ACSS2: variants seen among roughly 807,000 people sequenced by gnomAD.
ACSS2 encodes the protein acetyl-coenzyme A synthetase, cytoplasmic.
Under a neutral mutation model 90.6 loss-of-function variants are expected in ACSS2, and 58 were observed. That is an observed-to-expected ratio of 0.64 (90% CI 0.52 to 0.80). The LOEUF (loss-of-function observed/expected upper bound fraction) is 0.80, where lower values mean the gene tolerates loss of function less well. Ranked by LOEUF, ACSS2 falls within the 30% of genes least tolerant of loss-of-function variation. The probability of loss-of-function intolerance (pLI) is 0.00; values close to 1 mark genes in which losing one functional copy is unlikely to be tolerated. For synonymous variants in ACSS2, 300 were observed against 330.9 expected (o/e 0.91, Z 1.01); for missense variants, 759 against 912.0 (o/e 0.83, Z 2.16).
chr20:34,913,648 G>A (rs1346380216), intron 4 of ACSS2, 105 bp from the exon 5 acceptor site: 1 of 1,299,498 alleles, frequency 7.7e-7, no homozygotes, highest in Non-Finnish European at 1.1e-6. Context: ...GTTTCTTCTA[G>A]GACCCTGGCT....
Position 34,921,757 on chromosome 20 carries a change from CTTGGGTTCTGTCTCCCGT to C in ACSS2, c.1468-25_1468-8del. ...GAGTCAGAGTTGCCTCATTCCTCTTCTTGGGTTCTGTCTCCCGTTTGCTTCTAGACTTTCCCATTCTTT... is the reference window on the plus strand; with the variant it reads ...GAGTCAGAGTTGCCTCATTCCTCTTCTTGCTTCTAGACTTTCCCATTCTTT... On this transcript the variant is annotated splice_polypyrimidine_tract_variant and intron_variant, in intron 12 of 17. Transcript: ENST00000360596. 6.2e-7 allele frequency: 1 copy of C among 1,612,148 alleles called. No individual in the cohort carries two copies.
At position 34,878,973 on chromosome 20, in the gene ACSS2, C is replaced by T. The variant is rs533034437; in HGVS notation, c.178+2150C>T. On this transcript the variant is annotated intron_variant, in intron 1 of 17. Transcript: ENST00000360596. ...AGGCTGGAGTGCAGTGGCGCGATCT[C>T]GGCTCACTGCAAGCTCCGCCTCCCG... Among the ~76,000 whole-genome samples the T allele has an allele frequency of 4.1e-4, 60 of 145,012 alleles. 1 individual carries two copies. Among genetic ancestry groups the T allele is most frequent in the Admixed American group, 1.1e-3 (15 of 14,058 alleles).
At chr20:34,904,306 G>A (rs1371139080) in intron 2 of ACSS2, among the ~76,000 whole-genome samples, 1 of 151,874 alleles carries the variant, frequency 6.6e-6, no homozygotes, top group African/African-American at 2.4e-5. Context: ...ACGACTCAAA[G>A]ATAGGGAATA....
chr20:34,884,133 T>C (rs2080134398), intron 2 of ACSS2, among the ~76,000 whole-genome samples: 1 of 152,112 alleles, frequency 6.6e-6, no homozygotes, highest in Non-Finnish European at 1.5e-5. Flanking sequence ...TTGTATTTAG[T>C]ATTTTTTGTA....
Position 34,927,182 on chromosome 20 carries a change from C to G in ACSS2, c.2074C>G (p.Leu692Val). The G allele has an allele frequency of 6.2e-7, 1 of 1,614,052 alleles. No individual in the cohort carries two copies. Among genetic ancestry groups the G allele is most frequent in the Non-Finnish European group, 8.5e-7 (1 of 1,180,026 alleles). ...GGCTGACCCATCTGTCATCAGTCAC[C>G]TCTTCAGCCACCGCTGCCTGACCAT... ...TVADPSVISHLFSHRCLTIQ is the reference protein window; with the variant it reads ...TVADPSVISHVFSHRCLTIQ The change falls in exon 18 of 18, where the codon CTC becomes GTC. Residue 692 changes from leucine (L) to valine (V), a missense_variant. By Grantham distance (32) the Leu-to-Val change is conservative. Transcript: ENST00000360596. The surrounding 1 kb of genome is among the most constrained non-coding windows in gnomAD (Gnocchi z 4.2).
At chr20:34,902,637 A>G (rs913159432) in intron 2 of ACSS2, among the ~76,000 whole-genome samples, 1 of 152,126 alleles carries the variant, frequency 6.6e-6, no homozygotes, top group African/African-American at 2.4e-5. Context: ...ATTTTCTTCT[A>G]TATGCAGTGG....
intron 7 of ACSS2, among the ~76,000 whole-genome samples, chr20:34,917,088 C>T (rs1328808512): frequency 6.6e-6 from 1 of 152,190 alleles, no homozygotes; most frequent in Non-Finnish European, 1.5e-5. Context: ...TACACACCCA[C>T]CCACAAAAGA....
At chr20:34,905,785 T>C (rs939660697) in intron 2 of ACSS2, among the ~76,000 whole-genome samples, 1 of 152,232 alleles carries the variant, frequency 6.6e-6, no homozygotes, top group African/African-American at 2.4e-5. Flanking sequence ...GTGCTGCTGT[T>C]TTCTTATAGG....
chr20:34,926,661 C>T (rs2081325514), intron 16 of ACSS2, among the ~76,000 whole-genome samples: 1 of 152,080 alleles, frequency 6.6e-6, no homozygotes, highest in Non-Finnish European at 1.5e-5. Flanking sequence ...CATTTAAACT[C>T]TAGCAGGCTC....
At chr20:34,882,677 T>G (rs1025297158) in intron 1 of ACSS2, 117 bp from the exon 2 acceptor site, 5 of 849,694 alleles carry the variant, frequency 5.9e-6, no homozygotes, top group Non-Finnish European at 1.8e-6. Context: ...GGGACCCAGG[T>G]GGTGGGTCCT....
chr20:34,914,109 G>C lies in ACSS2; in HGVS notation c.657G>C (p.Arg219Ser), dbSNP rs745521132. ...TGCTCCCCAAAGATGCCTTCTACAG[G>C]GGGGAAAAGCTTGTGAACCTGAAGG... is the stretch of plus-strand genomic sequence containing the variant. ...SLLITTDAFY[R>S]GEKLVNLKEL... The change falls in exon 6 of 18, where the codon AGG becomes AGC. Residue 219 changes from arginine (R) to serine (S), a missense_variant. Arg to Ser is a moderately radical substitution (Grantham distance 110, BLOSUM62 -1). Transcript: ENST00000360596. 3.7e-6 allele frequency: 6 copies of C among 1,614,166 alleles called. No homozygotes were observed. The highest frequency in any genetic ancestry group is 5.1e-6 in the Non-Finnish European group (6 of 1,180,016).
intron 13 of ACSS2, among the ~76,000 whole-genome samples, chr20:34,922,520 C>G (rs1411180729): frequency 2.0e-5 from 3 of 152,174 alleles, no homozygotes; most frequent in African/African-American, 7.2e-5. Context: ...AGGAGAATCA[C>G]TTGAACCGGG....
intron 7 of ACSS2, among the ~76,000 whole-genome samples, chr20:34,917,143 TA>T (rs2081092041): frequency 6.6e-6 from 1 of 152,212 alleles, no homozygotes; most frequent in Non-Finnish European, 1.5e-5. Context: ...GCCACAGTTG[TA>T]ACTATGCCTT....
chr20:34,927,330 T>C lies in ACSS2; in HGVS notation c.*116T>C, dbSNP rs572632720. ...CCCACACTACCCTCCCTTGACCAGC[T>C]GTCTGGGACCGGAAACCAGCTTTGT... On this transcript the variant is annotated 3_prime_UTR_variant, in exon 18 of 18. Coordinates refer to ENST00000360596, the MANE Select transcript of ACSS2 (RefSeq NM_018677.4). The surrounding 1 kb of genome is among the most constrained non-coding windows in gnomAD (Gnocchi z 4.2). 5 of 1,405,984 alleles carry C rather than the reference T, an allele frequency of 3.6e-6. No individual in the cohort carries two copies. In the South Asian group the frequency reaches 6.2e-5, roughly 17 times the overall value. The allele number at this position is 1,405,984 out of a possible 1,614,324, so 87.1% of individuals were successfully genotyped here. A position where few individuals can be genotyped will look rare whatever the true frequency, so the allele number is the denominator to read the frequency against.
chr20:34,905,482 G>A (rs1051903824), intron 2 of ACSS2, among the ~76,000 whole-genome samples: 2 of 151,230 alleles, frequency 1.3e-5, no homozygotes, highest in Non-Finnish European at 3.0e-5. Flanking sequence ...CCGTCCTCTC[G>A]ATCTCCTGAC....
At chr20:34,919,065 CAAT>C (rs1006435290) in intron 7 of ACSS2, among the ~76,000 whole-genome samples, 6 of 152,058 alleles carry the variant, frequency 3.9e-5, no homozygotes, top group Non-Finnish European at 8.8e-5. Context: ...GTGTTGTGAT[CAAT>C]AATAATAGCA....
At chr20:34,916,540 C>T (rs1314787958) in intron 7 of ACSS2, among the ~76,000 whole-genome samples, 1 of 152,158 alleles carries the variant, frequency 6.6e-6, no homozygotes, top group African/African-American at 2.4e-5. Flanking sequence ...CAGAGACCTT[C>T]AGGCCAAAGG....
chr20:34,886,540 C>T (rs377435761), intron 2 of ACSS2, among the ~76,000 whole-genome samples: 2 of 152,106 alleles, frequency 1.3e-5, no homozygotes, highest in South Asian at 2.1e-4. Context: ...AGAAGAATCG[C>T]GTGAACCTGG....
At chr20:34,924,762 C>T (rs1034132499) in intron 14 of ACSS2, among the ~76,000 whole-genome samples, 6 of 151,972 alleles carry the variant, frequency 3.9e-5, no homozygotes, top group South Asian at 4.2e-4. Flanking sequence ...TGCGGTGGCA[C>T]GACCTCAGCT....
Sources: allele counts gnomAD v4.1 joint callset (sites outside exome capture counted in the v4.1 genomes callset), GRCh38; gene constraint gnomAD v4.1.1; non-coding constraint Gnocchi (gnomAD v3.1); transcripts MANE v1.5; gene names NCBI Gene and HGNC (gene_info 2026-07-23, HGNC 2026-07-21).